The following FBN1 variants were observed in gnomAD, a reference collection of about 807,000 sequenced individuals.
FBN1 encodes fibrillin-1.
Under a neutral mutation model 365.1 loss-of-function variants are expected in FBN1, and 29 were observed. That is an observed-to-expected ratio of 0.08 (90% CI 0.06 to 0.11). FBN1 has a LOEUF of 0.11. FBN1 is among the 10% of genes least tolerant of loss of function. The pLI is 1.00. For missense variants in FBN1, 2,476 were observed against 3,703.2 expected (o/e 0.67, Z 8.60); for synonymous variants, 1,210 against 1,270.5 (o/e 0.95, Z 1.01).
Position 48,422,486 on chromosome 15 carries a change from G to A in FBN1, c.7454-418C>T, listed in dbSNP as rs371356816. Among the ~76,000 whole-genome samples, 7 of 152,238 alleles carry A rather than the reference G, an allele frequency of 4.6e-5. No individual in the cohort carries two copies. The East Asian group carries it at 7.7e-4, about 17-fold the overall frequency. On this transcript the variant is annotated intron_variant, in intron 60 of 65. Transcript: ENST00000316623. ...AAAGAGAAATGTTGAAGCTGGAAAT[G>A]AATTTGCTGGCTTAGTTCTCTTCTG... is the stretch of plus-strand genomic sequence containing the variant.
In FBN1 at chr15:48,425,416, G is replaced by A. The variant is rs2141226337; in HGVS notation, c.7406C>T (p.Ser2469Leu). The change falls in exon 60 of 66, where the codon TCA becomes TTA. Residue 2469 changes from serine to leucine, a missense_variant. Physicochemically the swap from Ser to Leu is moderately radical, Grantham distance 145 (BLOSUM62 -2). This residue lies in a region of FBN1 where 1,780 missense variants were observed against 2,840.8 expected (regional missense o/e 0.63). Transcript: ENST00000316623. ...CKNTEGSYQC[S>L]CPKGYILQED... ...TTGCAGAATGTAGCCTTTCGGGCAT[G>A]AACACTGGTAACTCCCTTCTGTGTT... 6.2e-7 allele frequency: 1 copy of A among 1,614,200 alleles called. No individual in the cohort carries two copies. Among genetic ancestry groups the A allele is most frequent in the Non-Finnish European group, 8.5e-7 (1 of 1,180,012 alleles).
At chr15:48,478,839 G>A (rs1476812362) in intron 32 of FBN1, among the ~76,000 whole-genome samples, 1 of 152,040 alleles carries the variant, frequency 6.6e-6, no homozygotes, top group Admixed American at 6.6e-5. Flanking sequence ...AAAGTGATTG[G>A]GGGAAAAAAC....
At chr15:48,467,497 T>G (rs2043332447) in intron 38 of FBN1, among the ~76,000 whole-genome samples, 1 of 152,226 alleles carries the variant, frequency 6.6e-6, no homozygotes, top group East Asian at 1.9e-4. Context: ...GCTAAAGCCT[T>G]CTTTCAAGCC....
chr15:48,517,107 C>T (rs1258422574), intron 10 of FBN1, among the ~76,000 whole-genome samples: 2 of 151,952 alleles, frequency 1.3e-5, no homozygotes, highest in Non-Finnish European at 2.9e-5. Context: ...CGGGAAAAAT[C>T]ATGGTGATAG....
At chr15:48,636,566 G>T (rs1487265915) in intron 2 of FBN1, among the ~76,000 whole-genome samples, 2 of 152,142 alleles carry the variant, frequency 1.3e-5, no homozygotes, top group African/African-American at 4.8e-5. Flanking sequence ...TCCATCCCGG[G>T]GGCAGGTTCA....
At chr15:48,448,646 G>T in intron 46 of FBN1, 122 bp downstream of exon 46, 1 of 904,358 alleles carries the variant, frequency 1.1e-6, no homozygotes, top group Non-Finnish European at 1.7e-6. Flanking sequence ...ATCTGTCTGT[G>T]TTTTTATTTT....
At chr15:48,532,490 GTA>G (rs58665675) in intron 8 of FBN1, among the ~76,000 whole-genome samples, 1 of 149,118 alleles carries the variant, frequency 6.7e-6, no homozygotes, top group Non-Finnish European at 1.5e-5. Flanking sequence ...GTGTGTGTGT[GTA>G]TATATATATG....
intron 6 of FBN1, among the ~76,000 whole-genome samples, chr15:48,575,351 GTA>G (rs2044337228): frequency 6.6e-6 from 1 of 151,932 alleles, no homozygotes; most frequent in African/African-American, 2.4e-5. Flanking sequence ...ATGTATGTAT[GTA>G]TGTATGTATG....
At chr15:48,424,617 A>T (rs1473386571) in intron 60 of FBN1, among the ~76,000 whole-genome samples, 2 of 152,174 alleles carry the variant, frequency 1.3e-5, no homozygotes, top group Admixed American at 1.3e-4. Flanking sequence ...TTTCCTTCAA[A>T]GTTTCATGGC....
chr15:48,596,218 G>A, intron 6 of FBN1, 65 bp downstream of exon 6: 1 of 1,425,578 alleles, frequency 7.0e-7, no homozygotes. Context: ...CCCAATGTCT[G>A]TGCAAATTAG....
intron 43 of FBN1, among the ~76,000 whole-genome samples, chr15:48,459,489 T>C (rs1164116885): frequency 6.6e-6 from 1 of 152,212 alleles, no homozygotes; most frequent in African/African-American, 2.4e-5. Flanking sequence ...TTACTTATTA[T>C]GAATAAGGTG....
intron 6 of FBN1, among the ~76,000 whole-genome samples, chr15:48,568,048 A>AGAAAGAAAGAAAGAAAGAAAGAAG (rs1566928760): frequency 1.3e-5 from 1 of 77,774 alleles, no homozygotes; most frequent in East Asian, 3.4e-4. Flanking sequence ...AAAGAAAGAA[A>AGAAAGAAAGAAAGAAAGAAAGAAG]GAAGAAAGAA....
At chr15:48,624,390 T>C (rs1889832305) in intron 2 of FBN1, among the ~76,000 whole-genome samples, 1 of 152,252 alleles carries the variant, frequency 6.6e-6, no homozygotes, top group African/African-American at 2.4e-5. Flanking sequence ...TCCTAGTGTG[T>C]ACTGGATCAC....
At chr15:48,542,674 C>T (rs1009648904) in intron 6 of FBN1, among the ~76,000 whole-genome samples, 1 of 152,048 alleles carries the variant, frequency 6.6e-6, no homozygotes, top group Non-Finnish European at 1.5e-5. Context: ...CCCTGTCCTC[C>T]CCCAGTTTTC....
chr15:48,474,648 T>C lies in FBN1; in HGVS notation c.3967A>G (p.Ile1323Val). Residue 1323 changes from isoleucine (I) to valine (V), a missense_variant and splice_region_variant, in exon 33 of 66, where the codon ATC becomes GTC. Physicochemically the swap from Ile to Val is conservative, Grantham distance 29. This residue lies in a region of FBN1 where 1,780 missense variants were observed against 2,840.8 expected (regional missense o/e 0.63). Coordinates refer to ENST00000316623, the MANE Select transcript of FBN1 (RefSeq NM_000138.5). ...TGTGCTCCAATTTCACATTCATTGA[T>C]GTCTGGAAAAATGAGCAGTGATTTA... ...GKKGKTGCTD[I>V]NECEIGAHNC... The C allele has an allele frequency of 6.2e-7, 1 of 1,614,148 alleles. No individual in the cohort carries two copies. The highest frequency in any genetic ancestry group is 1.3e-5 in the African/African-American group (1 of 75,066).
chr15:48,416,634 A>G (rs1323781422), intron 63 of FBN1: 2 of 152,234 alleles, frequency 1.3e-5, no homozygotes, highest in Non-Finnish European at 2.9e-5. Context: ...CAGGAAAAAG[A>G]AATCTTACTT....
At chr15:48,546,990 T>G (rs572527242) in intron 6 of FBN1, among the ~76,000 whole-genome samples, 71 of 152,268 alleles carry the variant, frequency 4.7e-4, no homozygotes, top group African/African-American at 1.6e-3. Context: ...TTCTTCCCAT[T>G]CTCACAATAA....
intron 10 of FBN1, among the ~76,000 whole-genome samples, chr15:48,520,158 A>C (rs2043838648): frequency 6.6e-6 from 1 of 152,128 alleles, no homozygotes; most frequent in Admixed American, 6.5e-5. Context: ...TTAGGAGACT[A>C]CTGGAACAGT....
intron 63 of FBN1, among the ~76,000 whole-genome samples, chr15:48,419,333 T>G (rs569742672): frequency 6.6e-6 from 1 of 152,254 alleles, no homozygotes; most frequent in Admixed American, 6.5e-5. Context: ...AGGAGGAGGA[T>G]AAGGTACAGG....
Sources: allele counts gnomAD v4.1 joint callset (sites outside exome capture counted in the v4.1 genomes callset), GRCh38; gene constraint gnomAD v4.1.1; regional missense constraint gnomAD v4.1.1; transcripts MANE v1.5; gene names NCBI Gene and HGNC (gene_info 2026-07-23, HGNC 2026-07-21).